The following VPS13D variants were observed in gnomAD, a reference collection of about 807,000 sequenced individuals.
VPS13D encodes the protein intermembrane lipid transfer protein VPS13D.
A neutral mutation model predicts 461.9 loss-of-function variants in VPS13D; 187 were observed. The observed-to-expected ratio is 0.40, with a 90% CI of 0.36 to 0.46. VPS13D has a LOEUF of 0.46. VPS13D is among the 20% of genes least tolerant of loss of function. The probability of loss-of-function intolerance (pLI) is 0.60; values close to 1 mark genes in which losing one functional copy is unlikely to be tolerated. For synonymous variants in VPS13D, 1,951 were observed against 1,986.3 expected (o/e 0.98, Z 0.47); for missense variants, 4,711 against 5,364.9 (o/e 0.88, Z 3.81).
At chr1:12,272,750 C>T (rs552190988) in intron 17 of VPS13D, among the ~76,000 whole-genome samples, 1 of 152,244 alleles carries the variant, frequency 6.6e-6, no homozygotes. Flanking sequence ...GAAACAAAAT[C>T]TTTCTTAAGT....
intron 7 of VPS13D, among the ~76,000 whole-genome samples, chr1:12,254,550 G>T (rs1640852370): frequency 8.6e-6 from 1 of 115,666 alleles, no homozygotes. Flanking sequence ...TTGAGATGGA[G>T]TCTCGCTCTG....
Position 12,356,102 on chromosome 1 carries a change from G to A in VPS13D, c.9871+12G>A. 6 of 1,590,218 alleles carry A rather than the reference G, an allele frequency of 3.8e-6. No individual in the cohort carries two copies. The highest frequency in any genetic ancestry group is 5.1e-6 in the Non-Finnish European group (6 of 1,165,914). On this transcript the variant is annotated intron_variant, in intron 48 of 69. Coordinates refer to ENST00000620676, the MANE Select transcript of VPS13D (RefSeq NM_015378.4). ...GATTAACAAAACAGGTACATACAGG[G>A]GCTGCTCAAGTAGGTCTTTGGCGTT...
At chr1:12,250,495 C>A (rs1000309311) in intron 6 of VPS13D, among the ~76,000 whole-genome samples, 2 of 152,212 alleles carry the variant, frequency 1.3e-5, no homozygotes, top group African/African-American at 4.8e-5. Context: ...CTTGTCATAA[C>A]TAGAATGATC....
intron 7 of VPS13D, 45 bp from the exon 8 acceptor site, chr1:12,256,288 A>C: frequency 6.3e-7 from 1 of 1,589,554 alleles, no homozygotes; most frequent in Non-Finnish European, 8.6e-7. Context: ...TGACTACCAG[A>C]AGGAAAGCCA....
At chr1:12,271,182 C>A in intron 17 of VPS13D, 58 bp downstream of exon 17, 1 of 1,605,568 alleles carries the variant, frequency 6.2e-7, no homozygotes, top group Non-Finnish European at 8.5e-7. Flanking sequence ...GAATTCTTTC[C>A]GTCAAGTCAC....
At chr1:12,281,084 A>G (rs186257411) in intron 20 of VPS13D, among the ~76,000 whole-genome samples, 1 of 151,000 alleles carries the variant, frequency 6.6e-6, no homozygotes, top group African/African-American at 2.4e-5. Flanking sequence ...TTTTGGTGAA[A>G]TATTTTAAGG....
chr1:12,281,471 T>C (rs72866615), intron 20 of VPS13D, among the ~76,000 whole-genome samples: 10,034 of 152,240 alleles, frequency 0.066, 530 homozygotes, highest in Admixed American at 0.14. Flanking sequence ...TGCCACTTAA[T>C]TTGTTCTCCC....
intron 35 of VPS13D, among the ~76,000 whole-genome samples, chr1:12,324,160 T>C (rs1643118326): frequency 1.3e-5 from 2 of 152,190 alleles, no homozygotes; most frequent in African/African-American, 4.8e-5. Flanking sequence ...CTGCCCGCTT[T>C]GGCCTCCCAA....
At chr1:12,488,141 C>T (rs760173497) in intron 67 of VPS13D, among the ~76,000 whole-genome samples, 3 of 152,218 alleles carry the variant, frequency 2.0e-5, no homozygotes, top group Non-Finnish European at 4.4e-5. Flanking sequence ...AACTTGTCCC[C>T]CAGGGTGCTC....
intron 55 of VPS13D, among the ~76,000 whole-genome samples, chr1:12,375,355 A>G (rs1183832201): frequency 2.0e-5 from 3 of 152,198 alleles, no homozygotes; most frequent in African/African-American, 7.2e-5. Context: ...ATGTATGCAC[A>G]AATATACATA....
chr1:12,384,823 G>A (rs772564842), intron 58 of VPS13D, among the ~76,000 whole-genome samples: 6 of 152,088 alleles, frequency 3.9e-5, no homozygotes, highest in Non-Finnish European at 8.8e-5. Flanking sequence ...GTCTCGCTAT[G>A]TTCCCCAGGC....
At chr1:12,298,195 G>A (rs182035830) in intron 24 of VPS13D, among the ~76,000 whole-genome samples, 32 of 152,238 alleles carry the variant, frequency 2.1e-4, no homozygotes, top group African/African-American at 6.7e-4. Context: ...ATAAGGAAAC[G>A]GAGGCACAGA....
rs763111267 is a variant in VPS13D at position 12,345,509 on chromosome 1, G to A, written c.9021G>A (p.Thr3007=). 5 of 1,608,274 alleles carry A rather than the reference G, an allele frequency of 3.1e-6. No homozygotes were observed. The highest frequency in any genetic ancestry group is 1.7e-5 in the Admixed American group (1 of 59,888). Residue 3007 remains threonine (T), a splice_region_variant and synonymous_variant, in exon 43 of 70, where the codon ACG becomes ACA. Coordinates refer to ENST00000620676, the MANE Select transcript of VPS13D (RefSeq NM_015378.4). ...CAGATAAAAATTCATCTTCCTCTAC[G>A]GTGTGTGACATTCAGGAAGTCAGAT... The part of the protein sequence containing the change: ...AAPDKNSSSS[T]IGSPSSRTNI...
In VPS13D at chr1:12,308,486, C is replaced by T. The variant is rs375096307; in HGVS notation, c.6495C>T (p.Ile2165=). The T allele has an allele frequency of 4.0e-4, 641 of 1,614,106 alleles. 1 individual carries two copies. Among genetic ancestry groups the T allele is most frequent in the Non-Finnish European group, 4.7e-4 (557 of 1,180,036 alleles). Residue 2165 remains isoleucine, a synonymous_variant, in exon 27 of 70, where the codon ATC becomes ATT. Coordinates refer to ENST00000620676, the MANE Select transcript of VPS13D (RefSeq NM_015378.4). ...TCGTGGATCTCCAGGACATGGACAT[C>T]TTTGCTGCAGAGAGACATCCGAGAG... The part of the protein sequence containing the change: ...CVVVDLQDMD[I]FAAERHPREY...
intron 41 of VPS13D, among the ~76,000 whole-genome samples, chr1:12,342,318 G>A (rs936449352): frequency 1.4e-4 from 22 of 152,182 alleles, no homozygotes; most frequent in Admixed American, 3.3e-4. Context: ...TACCTAAAAC[G>A]CACTTCAACC....
At chr1:12,362,411 A>G (rs1268800677) in intron 50 of VPS13D, among the ~76,000 whole-genome samples, 2 of 152,224 alleles carry the variant, frequency 1.3e-5, no homozygotes, top group African/African-American at 2.4e-5. Context: ...GAAACCTAAC[A>G]TATATGTGAC....
intron 15 of VPS13D, among the ~76,000 whole-genome samples, 181 bp downstream of exon 15, chr1:12,268,101 C>T (rs936722416): frequency 6.6e-6 from 1 of 151,926 alleles, no homozygotes; most frequent in Non-Finnish European, 1.5e-5. Context: ...TGGTGTGTGC[C>T]ACCATGTCTG....
At chr1:12,401,736 G>A in intron 62 of VPS13D, 32 bp downstream of exon 62, 2 of 1,572,362 alleles carry the variant, frequency 1.3e-6, no homozygotes, top group African/African-American at 1.3e-5. Flanking sequence ...CTGTGTTTGG[G>A]AATTGGTCCA....
rs184784701 is a variant in VPS13D, at chr1:12,342,960, G to A, written c.8794G>A (p.Asp2932Asn). ...TCCAGAAGGGAACGGAACATTTCTC[G>A]ATGATACTCACAATGTTAGTGAATG... ...VVPEGNGTFLDDTHNVSEWRE... is the reference protein window; with the variant it reads ...VVPEGNGTFLNDTHNVSEWRE... The change falls in exon 42 of 70, where the codon GAT becomes AAT. Residue 2932 changes from aspartate (D) to asparagine (N), a missense_variant. Transcript: ENST00000620676. 6.3e-5 allele frequency: 102 copies of A among 1,613,862 alleles called. No homozygotes were observed. Among genetic ancestry groups the A allele is most frequent in the East Asian group, 2.2e-5 (1 of 44,886 alleles).
Sources: gnomAD v4.1 joint callset for allele counts (sites outside exome capture counted in the v4.1 genomes callset) on GRCh38, gnomAD v4.1.1 for gene constraint, MANE v1.5 for transcripts, NCBI Gene and HGNC (gene_info 2026-07-23, HGNC 2026-07-21) for gene names.